Variants in EEFSEC observed in about 807,000 individuals in gnomAD.
EEFSEC encodes the protein eukaryotic elongation factor, selenocysteine-tRNA specific.
EEFSEC carries 43 observed loss-of-function variants against 42.1 expected under a neutral mutation model. The ratio of observed to expected loss-of-function variants is 1.02; its 90% CI spans 0.80 to 1.32. EEFSEC has a LOEUF of 1.32. EEFSEC is among the 40% of genes most tolerant of loss of function. The pLI, the probability that EEFSEC is intolerant of heterozygous loss-of-function variation, is 0.00. For missense variants in EEFSEC, 745 were observed against 803.6 expected (o/e 0.93, Z 0.88); for synonymous variants, 354 against 339.1 (o/e 1.04, Z -0.48).
At chr3:128,193,792 A>G (rs2065551976) in intron 1 of EEFSEC, among the ~76,000 whole-genome samples, 1 of 152,054 alleles carries the variant, frequency 6.6e-6, no homozygotes, top group African/African-American at 2.4e-5. Flanking sequence ...CATTTCTCCT[A>G]GTTGCTCGGC....
chr3:128,399,346 C>T (rs533524300), intron 6 of EEFSEC, among the ~76,000 whole-genome samples: 115 of 152,266 alleles, frequency 7.6e-4, no homozygotes, highest in Admixed American at 2.8e-3. Context: ...TGGTTGCCTA[C>T]GCTTCCGCCC....
intron 4 of EEFSEC, among the ~76,000 whole-genome samples, chr3:128,293,660 CAAAAAAAA>C (rs759485696): frequency 5.9e-3 from 84 of 14,136 alleles, no homozygotes; most frequent in Non-Finnish European, 5.1e-3. Context: ...GACTCTATCT[CAAAAAAAA>C]AAAAAAAAAA....
Position 128,317,015 on chromosome 3 carries a change from T to C in EEFSEC, c.787-24218T>C, listed in dbSNP as rs1459249459. ...TGCCTCAGAACAAAAGCCCTTGATT[T>C]AGTTTAACTTTATAAGTTGCTCTCT... On this transcript the variant is annotated intron_variant, in intron 4 of 6. Coordinates refer to ENST00000254730, the MANE Select transcript of EEFSEC (RefSeq NM_021937.5). The surrounding 1 kb of genome is among the most constrained non-coding windows in gnomAD (Gnocchi z 4.1). 6.6e-6 allele frequency among the ~76,000 whole-genome samples: 1 copy of C among 152,208 alleles called. No individual in the cohort carries two copies. Among genetic ancestry groups the C allele is most frequent in the Admixed American group, 6.5e-5 (1 of 15,286 alleles).
At position 128,341,904 on chromosome 3, in the gene EEFSEC, G is replaced by C; in HGVS notation, c.1443+15G>C. On this transcript the variant is annotated intron_variant, in intron 5 of 6. Coordinates refer to ENST00000254730, the MANE Select transcript of EEFSEC (RefSeq NM_021937.5). ...TTGTGGAGCGGGTGAGCATGCCCTT[G>C]CCTGGCCCCACACCCCTTCCCTTCT... is the stretch of plus-strand genomic sequence containing the variant. 6.2e-7 allele frequency: 1 copy of C among 1,605,924 alleles called. No individual in the cohort carries two copies. Among genetic ancestry groups the C allele is most frequent in the Non-Finnish European group, 8.5e-7 (1 of 1,175,470 alleles).
intron 6 of EEFSEC, among the ~76,000 whole-genome samples, chr3:128,405,106 T>G (rs2068094079): frequency 6.6e-6 from 1 of 150,816 alleles, no homozygotes. Flanking sequence ...AAGCTCCACC[T>G]CCCTGGTTCA....
intron 1 of EEFSEC, among the ~76,000 whole-genome samples, chr3:128,209,186 C>T (rs545901584): frequency 1.3e-5 from 2 of 152,356 alleles, no homozygotes; most frequent in Admixed American, 1.3e-4. Context: ...CAATTGCTCT[C>T]ACCCCTTAAA....
intron 1 of EEFSEC, among the ~76,000 whole-genome samples, chr3:128,229,180 T>A (rs1024453281): frequency 6.6e-6 from 1 of 152,180 alleles, no homozygotes; most frequent in African/African-American, 2.4e-5. Flanking sequence ...GTAGGCCCTG[T>A]TTTTACACAG....
chr3:128,213,358 T>C (rs1265111019), intron 1 of EEFSEC, among the ~76,000 whole-genome samples: 2 of 152,226 alleles, frequency 1.3e-5, no homozygotes, highest in Non-Finnish European at 2.9e-5. Flanking sequence ...GTTGGCGTAG[T>C]AGAAAATGCA....
intron 6 of EEFSEC, among the ~76,000 whole-genome samples, chr3:128,364,703 G>A (rs1468323292): frequency 2.0e-5 from 3 of 152,218 alleles, no homozygotes; most frequent in African/African-American, 4.8e-5. Context: ...CCTCTGTGGA[G>A]TGCACCTGAC....
At chr3:128,395,579 A>G (rs2067971654) in intron 6 of EEFSEC, among the ~76,000 whole-genome samples, 1 of 152,134 alleles carries the variant, frequency 6.6e-6, no homozygotes. Context: ...CTAGCTCTGC[A>G]TTTCCCTGTT....
At chr3:128,321,710 T>G (rs1276482328) in intron 4 of EEFSEC, among the ~76,000 whole-genome samples, 1 of 152,154 alleles carries the variant, frequency 6.6e-6, no homozygotes, top group Admixed American at 6.5e-5. Flanking sequence ...TGTATTCCAT[T>G]CAGTAAGATA....
At chr3:128,180,512 A>C (rs917145341) in intron 1 of EEFSEC, among the ~76,000 whole-genome samples, 1 of 152,242 alleles carries the variant, frequency 6.6e-6, no homozygotes, top group African/African-American at 2.4e-5. Context: ...TACTTAACAC[A>C]ATTTCCTTGA....
chr3:128,362,185 C>T (rs1271435051), intron 6 of EEFSEC: 1 of 522,154 alleles, frequency 1.9e-6, no homozygotes. Flanking sequence ...CGCTGCCACC[C>T]TCCCCTCTGC....
At chr3:128,303,198 A>G (rs2066789277) in intron 4 of EEFSEC, among the ~76,000 whole-genome samples, 1 of 152,154 alleles carries the variant, frequency 6.6e-6, no homozygotes, top group African/African-American at 2.4e-5. Context: ...AAACTCCTGG[A>G]CAACAGGAGC....
chr3:128,324,443 G>T (rs927700638), intron 4 of EEFSEC, among the ~76,000 whole-genome samples: 1 of 152,162 alleles, frequency 6.6e-6, no homozygotes, highest in Non-Finnish European at 1.5e-5. Context: ...ATGTGTTGGG[G>T]TGTCAGCACA....
chr3:128,162,121 G>C (rs955279629), intron 1 of EEFSEC, among the ~76,000 whole-genome samples: 1 of 152,204 alleles, frequency 6.6e-6, no homozygotes, highest in African/African-American at 2.4e-5. Context: ...AGTTCTAAGT[G>C]GAAATGCTTT....
intron 6 of EEFSEC, among the ~76,000 whole-genome samples, chr3:128,365,440 C>G (rs1018236193): frequency 3.3e-5 from 5 of 152,228 alleles, no homozygotes; most frequent in Non-Finnish European, 7.3e-5. Flanking sequence ...TTCTTCAGTG[C>G]TAACCCAGAG....
intron 1 of EEFSEC, among the ~76,000 whole-genome samples, chr3:128,188,602 A>G (rs2065488592): frequency 6.6e-6 from 1 of 152,196 alleles, no homozygotes; most frequent in South Asian, 2.1e-4. Context: ...TGCATAGCTA[A>G]TGTGTTCCAC....
intron 1 of EEFSEC, among the ~76,000 whole-genome samples, chr3:128,169,224 G>A (rs872267): frequency 0.42 from 64,401 of 152,102 alleles, 16,350 homozygotes; most frequent in African/African-American, 0.71. Flanking sequence ...AAGCTAAACT[G>A]TGGCACAAAA....
Sources: allele counts gnomAD v4.1 joint callset (sites outside exome capture counted in the v4.1 genomes callset), GRCh38; gene constraint gnomAD v4.1.1; non-coding constraint Gnocchi (gnomAD v3.1); transcripts MANE v1.5; gene names NCBI Gene and HGNC (gene_info 2026-07-23, HGNC 2026-07-21).